Variants in MYO18B observed in about 807,000 individuals in gnomAD.
MYO18B encodes the protein myosin XVIIIB.
Under a neutral mutation model 273.0 loss-of-function variants are expected in MYO18B, and 204 were observed. The ratio of observed to expected loss-of-function variants is 0.75; its 90% CI spans 0.67 to 0.84. MYO18B has a LOEUF of 0.84. Ranked by LOEUF, MYO18B falls within the 40% of genes least tolerant of loss-of-function variation. MYO18B has a pLI of 0.00. For missense variants in MYO18B, 3,212 were observed against 3,287.6 expected, an observed-to-expected ratio of 0.98 and a Z score of 0.56; for synonymous variants, 1,330 against 1,305.7, an observed-to-expected ratio of 1.02 and a Z score of -0.40.
chr22:25,792,497 C>CTTTTTTTTTTTTTTT (rs58679561), intron 11 of MYO18B, among the ~76,000 whole-genome samples: 6 of 107,956 alleles, frequency 5.6e-5, no homozygotes, highest in South Asian at 3.0e-4. Flanking sequence ...TTTTTCTTTT[C>CTTTTTTTTTTTTTTT]TTTTTTTTTT....
chr22:25,877,822 T>C lies in MYO18B; in HGVS notation c.4225-137T>C, dbSNP rs5761293. 0.33 allele frequency: 208,426 copies of C among 629,792 alleles called. 36,092 individuals carry two copies. The highest frequency in any genetic ancestry group is 0.48 in the East Asian group (15,689 of 32,792). The allele number at this position is 629,792 out of a possible 1,614,324, so 39.0% of individuals were successfully genotyped here. ...ATATACAGTGCACCATTATTTGTTA[T>C]AGTCACCATTCTGTGCAATAGATTG... is the stretch of plus-strand genomic sequence containing the variant. On this transcript the variant is annotated intron_variant, in intron 24 of 43. Coordinates refer to ENST00000335473, the MANE Select transcript of MYO18B (RefSeq NM_032608.7).
At chr22:26,056,619 C>T in the MYO18B span, among the ~76,000 whole-genome samples, 1 of 152,182 alleles carries the variant, frequency 6.6e-6, no homozygotes, top group East Asian at 1.9e-4. Context: ...TTCCTTCTCA[C>T]AGGAAGTAAC....
chr22:25,932,036 C>A (rs1311986899), intron 34 of MYO18B, among the ~76,000 whole-genome samples: 1 of 152,048 alleles, frequency 6.6e-6, no homozygotes, highest in East Asian at 1.9e-4. Flanking sequence ...CACGCCCAGC[C>A]TATGCCCATT....
intron 39 of MYO18B, among the ~76,000 whole-genome samples, chr22:25,957,503 TC>T (rs371930978): frequency 5.6e-4 from 85 of 152,372 alleles, no homozygotes; most frequent in African/African-American, 2.0e-3. Flanking sequence ...GCTGAACTTT[TC>T]TCTTTAGTTT....
At chr22:25,925,017 G>C (rs1166296599) in intron 34 of MYO18B, among the ~76,000 whole-genome samples, 1 of 152,174 alleles carries the variant, frequency 6.6e-6, no homozygotes, top group Middle Eastern at 3.2e-3. Flanking sequence ...GGCAGTCTCT[G>C]AGAGGTTGAG....
At chr22:25,757,654 G>T (rs569559309) in intron 1 of MYO18B, among the ~76,000 whole-genome samples, 1 of 152,214 alleles carries the variant, frequency 6.6e-6, no homozygotes, top group East Asian at 1.9e-4. Flanking sequence ...TGGGATGGAG[G>T]GTGGGTGTCT....
Position 25,799,396 on chromosome 22 carries a change from C to G in MYO18B, c.2521+1299C>G, listed in dbSNP as rs151011276. On this transcript the variant is annotated intron_variant, in intron 12 of 43. Coordinates refer to ENST00000335473, the MANE Select transcript of MYO18B (RefSeq NM_032608.7). ...CCCTTTTTTGGCAATATAGAAGGTT[C>G]TGGGGAGAGAGTGGGGATGAAGAGC... Among the ~76,000 whole-genome samples the G allele has an allele frequency of 9.9e-5, 15 of 152,266 alleles. No homozygotes were observed. In the East Asian group the frequency reaches 2.7e-3, roughly 27 times the overall value.
At chr22:25,936,445 C>T (rs968033483) in intron 34 of MYO18B, among the ~76,000 whole-genome samples, 1 of 152,182 alleles carries the variant, frequency 6.6e-6, no homozygotes, top group African/African-American at 2.4e-5. Flanking sequence ...ACAGGACTTA[C>T]AGGAAAAAGC....
At chr22:25,785,531 G>A (rs370107126) in intron 11 of MYO18B, 40 bp downstream of exon 11, 46 of 1,594,834 alleles carry the variant, frequency 2.9e-5, no homozygotes, top group Non-Finnish European at 3.9e-5. Flanking sequence ...GTGAGTCTGT[G>A]TCTGGGGCTA....
At chr22:25,922,138 G>A (rs1489527151) in intron 34 of MYO18B, among the ~76,000 whole-genome samples, 1 of 152,136 alleles carries the variant, frequency 6.6e-6, no homozygotes. Flanking sequence ...ACAAGTGCAG[G>A]TGATCGGGTG....
intron 28 of MYO18B, chr22:25,896,286 A>C (rs1260749001): frequency 6.6e-6 from 1 of 152,116 alleles, no homozygotes; most frequent in Non-Finnish European, 1.5e-5. Flanking sequence ...CTTCCAGGCC[A>C]GCAGGTGGAG....
chr22:25,946,364 A>G (rs2092713022), intron 35 of MYO18B, 114 bp downstream of exon 35: 8 of 645,864 alleles, frequency 1.2e-5, no homozygotes, highest in Non-Finnish European at 2.6e-6. Flanking sequence ...TTTATTGTAA[A>G]CCTACCAGGT....
chr22:26,013,422 A>T (rs1935067653), intron 42 of MYO18B, among the ~76,000 whole-genome samples: 1 of 152,226 alleles, frequency 6.6e-6, no homozygotes, highest in African/African-American at 2.4e-5. Flanking sequence ...ACATAGAGTA[A>T]TAATTAATTT....
the MYO18B span, among the ~76,000 whole-genome samples, chr22:26,058,501 G>A: frequency 3.3e-5 from 5 of 152,190 alleles, no homozygotes; most frequent in Admixed American, 2.6e-4. Flanking sequence ...TTCAGGGACT[G>A]CAATAGTTTG....
Position 25,898,358 on chromosome 22 carries a change from C to T in MYO18B, c.4720C>T (p.Leu1574=). 6.2e-7 allele frequency: 1 copy of T among 1,613,944 alleles called. No individual in the cohort carries two copies. The highest frequency in any genetic ancestry group is 8.5e-7 in the Non-Finnish European group (1 of 1,179,848). The change falls in exon 29 of 44, where the codon CTG becomes TTG. Residue 1574 remains leucine (L), a synonymous_variant. Transcript: ENST00000335473. ...CGGGGCCAAGAAGATGGCTCACCAA[C>T]TGAAGAGGAAGTGCCACCATCTTAC... ...YDGAKKMAHQ[L]KRKCHHLTCD... is the part of the protein sequence containing the mutation.
At chr22:25,950,518 A>ATGTGTGTGTGTGTGTGTGTGTGTGTG (rs59002655) in intron 37 of MYO18B, 68 bp downstream of exon 37, 2 of 563,486 alleles carry the variant, frequency 3.5e-6, no homozygotes, top group African/African-American at 4.2e-5. Flanking sequence ...AACTAATAGG[A>ATGTGTGTGTGTGTGTGTGTGTGTGTG]TGTGTGTGTG....
intron 29 of MYO18B, among the ~76,000 whole-genome samples, chr22:25,901,986 ATTTTAAAT>A (rs945717224): frequency 2.6e-5 from 4 of 151,536 alleles, no homozygotes; most frequent in African/African-American, 9.7e-5. Flanking sequence ...GTAATTTTAA[ATTTTAAAT>A]TTTTAAAGTT....
intron 21 of MYO18B, among the ~76,000 whole-genome samples, chr22:25,864,418 A>C (rs1359036178): frequency 2.0e-5 from 3 of 152,140 alleles, no homozygotes; most frequent in Non-Finnish European, 2.9e-5. Flanking sequence ...TCTCCCTTAT[A>C]TGCTACTTAT....
intron 39 of MYO18B, among the ~76,000 whole-genome samples, chr22:25,976,632 C>A (rs2093092777): frequency 6.6e-6 from 1 of 152,124 alleles, no homozygotes; most frequent in Non-Finnish European, 1.5e-5. Context: ...GTAGCTTTTG[C>A]CTTCACCCTA....
Sources: gnomAD v4.1 joint callset for allele counts (sites outside exome capture counted in the v4.1 genomes callset) on GRCh38, gnomAD v4.1.1 for gene constraint, MANE v1.5 for transcripts, NCBI Gene and HGNC (gene_info 2026-07-23, HGNC 2026-07-21) for gene names.